The following GRHL3 variants were observed in gnomAD, a reference collection of about 807,000 sequenced individuals.
The protein encoded by GRHL3 is grainyhead-like protein 3 homolog.
A neutral mutation model predicts 70.3 loss-of-function variants in GRHL3; 20 were observed. The ratio of observed to expected loss-of-function variants is 0.28; its 90% CI spans 0.20 to 0.41. The LOEUF is 0.41. GRHL3 is among the 10% of genes least tolerant of loss of function. The pLI is 1.00. For missense variants in GRHL3, 637 were observed against 762.3 expected (o/e 0.84, Z 1.94); for synonymous variants, 299 against 299.9 (o/e 1.00, Z 0.03).
intron 1 of GRHL3, among the ~76,000 whole-genome samples, chr1:24,323,938 G>C (rs1639299425): frequency 6.6e-6 from 1 of 152,246 alleles, no homozygotes; most frequent in Non-Finnish European, 1.5e-5. Context: ...AAAGGGGACA[G>C]AACAGTGTAG....
At chr1:24,344,863 T>C (rs1454128427) in intron 11 of GRHL3, 34 bp from the exon 12 acceptor site, 2 of 1,613,362 alleles carry the variant, frequency 1.2e-6, no homozygotes, top group East Asian at 2.2e-5. Flanking sequence ...TTTTCCTGCG[T>C]GTGATGGAAA....
At position 24,319,960 on chromosome 1, in the gene GRHL3, T is replaced by G. The variant is rs566275359; in HGVS notation, c.17+392T>G. 50 of 291,750 alleles carry G rather than the reference T, an allele frequency of 1.7e-4. No homozygotes were observed. In the South Asian group the frequency reaches 1.9e-3, roughly 11 times the overall value. The allele number at this position is 291,750 out of a possible 1,614,324, so 18.1% of individuals were successfully genotyped here. On this transcript the variant is annotated intron_variant, in intron 1 of 15. Coordinates refer to ENST00000361548, the MANE Select transcript of GRHL3 (RefSeq NM_198173.3). ...CTTTAAGGTAGTTCTAAGAGCTGTC[T>G]TAGGCAGAGAGTTGGGTTTCTCTAA...
chr1:24,354,698 C>A lies in GRHL3; in HGVS notation c.*210C>A. On this transcript the variant is annotated 3_prime_UTR_variant, in exon 16 of 16. Coordinates refer to ENST00000361548, the MANE Select transcript of GRHL3 (RefSeq NM_198173.3). ...CTGGATCCCCATGGTATGCTTGAAT[C>A]TGCTCCCTGAACTTCCTGCCAGTGC... 1 of 495,358 alleles carries A rather than the reference C, an allele frequency of 2.0e-6. No homozygotes were observed. Among genetic ancestry groups the A allele is most frequent in the Non-Finnish European group, 3.6e-6 (1 of 274,026 alleles). 30.7% of individuals were successfully genotyped at this position (495,358 alleles called of 1,614,324 possible).
chr1:24,347,819 C>T (rs1341352387), intron 14 of GRHL3, among the ~76,000 whole-genome samples: 1 of 152,206 alleles, frequency 6.6e-6, no homozygotes, highest in Non-Finnish European at 1.5e-5. Context: ...GTCTGACAGG[C>T]CAGGGTTTTT....
rs1639215645 is a variant in GRHL3 at position 24,322,162 on chromosome 1, C to T, written c.17+2594C>T. Among the ~76,000 whole-genome samples the T allele has an allele frequency of 6.6e-6, 1 of 152,138 alleles. No homozygotes were observed. The highest frequency in any genetic ancestry group is 2.1e-4 in the South Asian group (1 of 4,822). On this transcript the variant is annotated intron_variant, in intron 1 of 15. Transcript: ENST00000361548. This position sits in a 1 kb window ranked among gnomAD's most constrained non-coding sequence, Gnocchi z 4.4. ...AAGGGAGAGTTTCGCCGCAAAGGGG[C>T]TTGGCACACAGTAGGTCTAAGGCAC...
intron 8 of GRHL3, among the ~76,000 whole-genome samples, chr1:24,340,848 G>C (rs1185517015): frequency 6.6e-6 from 1 of 152,122 alleles, no homozygotes; most frequent in Non-Finnish European, 1.5e-5. Context: ...TTCAGGGAGT[G>C]GGGAGTTTCG....
rs1639224489 is a variant in GRHL3, at chr1:24,322,309, C to T, written c.17+2741C>T. 1.3e-5 allele frequency among the ~76,000 whole-genome samples: 2 copies of T among 152,150 alleles called. No homozygotes were observed. The highest frequency in any genetic ancestry group is 4.8e-5 in the African/African-American group (2 of 41,444). On this transcript the variant is annotated intron_variant, in intron 1 of 15. Transcript: ENST00000361548. This position sits in a 1 kb window ranked among gnomAD's most constrained non-coding sequence, Gnocchi z 4.4. ...GTTGGGGGAAGGGGACTAGAACCGTCGCAGTCCTGACCGCGGCCGCCGCCG... is the reference window on the plus strand; with the variant it reads ...GTTGGGGGAAGGGGACTAGAACCGTTGCAGTCCTGACCGCGGCCGCCGCCG...
intron 8 of GRHL3, among the ~76,000 whole-genome samples, chr1:24,340,305 C>G (rs1243161166): frequency 6.6e-6 from 1 of 152,208 alleles, no homozygotes; most frequent in Non-Finnish European, 1.5e-5. Flanking sequence ...TATCTCACTT[C>G]TCTGAGCCTG....
chr1:24,346,478 G>T (rs1640288665), intron 12 of GRHL3, 75 bp from the exon 13 acceptor site: 2 of 945,492 alleles, frequency 2.1e-6, no homozygotes, highest in Admixed American at 3.7e-5. Context: ...TAGGGCCCCT[G>T]GAGGCCCAGC....
At chr1:24,347,604 T>C in intron 14 of GRHL3, 51 bp downstream of exon 14, 3 of 1,361,272 alleles carry the variant, frequency 2.2e-6, no homozygotes, top group Non-Finnish European at 3.2e-6. Context: ...TCTAGGCTCC[T>C]GTCCCCACTC....
chr1:24,336,954 T>C (rs1285469866), intron 4 of GRHL3, 124 bp from the exon 5 acceptor site: 7 of 1,204,126 alleles, frequency 5.8e-6, no homozygotes, highest in Non-Finnish European at 7.2e-6. Flanking sequence ...GAGACGGGAT[T>C]GCCATGTACT....
chr1:24,350,539 C>A (rs973261278), intron 15 of GRHL3, among the ~76,000 whole-genome samples: 43 of 152,292 alleles, frequency 2.8e-4, no homozygotes, highest in Non-Finnish European at 1.5e-5. Flanking sequence ...GAGGTAAATA[C>A]CATAGTCCTC....
At position 24,322,331 on chromosome 1, in the gene GRHL3, G is replaced by A. The variant is rs578172017; in HGVS notation, c.17+2763G>A. On this transcript the variant is annotated intron_variant, in intron 1 of 15. Transcript: ENST00000361548. The surrounding 1 kb of genome is among the most constrained non-coding windows in gnomAD (Gnocchi z 4.4). ...CGTCGCAGTCCTGACCGCGGCCGCC[G>A]CCGCCGTTCTATCTGATCTCCAGGA... 6.6e-6 allele frequency among the ~76,000 whole-genome samples: 1 copy of A among 152,262 alleles called. No homozygotes were observed. The highest frequency in any genetic ancestry group is 2.1e-4 in the South Asian group (1 of 4,822).
chr1:24,359,121 C>T (rs931558234), downstream of GRHL3, among the ~76,000 whole-genome samples: 2 of 152,208 alleles, frequency 1.3e-5, no homozygotes, highest in Admixed American at 6.5e-5. The surrounding 1 kb of genome is among the most constrained non-coding windows in gnomAD (Gnocchi z 5.3). Context: ...TGTTCCTATA[C>T]TTGGAAAGCC....
intron 7 of GRHL3, among the ~76,000 whole-genome samples, chr1:24,338,727 T>C (rs1396451700): frequency 6.6e-6 from 1 of 152,232 alleles, no homozygotes; most frequent in Non-Finnish European, 1.5e-5. Context: ...CACACGGGAC[T>C]GTTTAATGAC....
intron 15 of GRHL3, among the ~76,000 whole-genome samples, chr1:24,350,644 A>G (rs1310240757): frequency 6.6e-6 from 1 of 152,182 alleles, no homozygotes; most frequent in Non-Finnish European, 1.5e-5. Flanking sequence ...AGGCCCAACA[A>G]AGTTGTTACT....
At position 24,322,284 on chromosome 1, in the gene GRHL3, G is replaced by T. The variant is rs1639223371; in HGVS notation, c.17+2716G>T. On this transcript the variant is annotated intron_variant, in intron 1 of 15. Transcript: ENST00000361548. The surrounding 1 kb of genome is among the most constrained non-coding windows in gnomAD (Gnocchi z 4.4). ...CTCAGCCTCGCAGAGACGCGACTCGGTTGGGGGAAGGGGACTAGAACCGTC... is the reference window on the plus strand; with the variant it reads ...CTCAGCCTCGCAGAGACGCGACTCGTTTGGGGGAAGGGGACTAGAACCGTC... 2.0e-5 allele frequency among the ~76,000 whole-genome samples: 3 copies of T among 152,304 alleles called. No homozygotes were observed. Among genetic ancestry groups the T allele is most frequent in the Non-Finnish European group, 2.9e-5 (2 of 68,014 alleles).
chr1:24,345,509 A>C (rs1422405749), intron 12 of GRHL3, among the ~76,000 whole-genome samples: 1 of 151,886 alleles, frequency 6.6e-6, no homozygotes. Context: ...TTTTATGTGA[A>C]AAGTCGGCGA....
At chr1:24,320,744 T>C (rs1187561879) in intron 1 of GRHL3, among the ~76,000 whole-genome samples, 1 of 152,212 alleles carries the variant, frequency 6.6e-6, no homozygotes, top group Non-Finnish European at 1.5e-5. Context: ...CACATTTCTT[T>C]TGAATGAATT....
Sources: gnomAD v4.1 joint callset for allele counts (sites outside exome capture counted in the v4.1 genomes callset) on GRCh38, gnomAD v4.1.1 for gene constraint, Gnocchi (gnomAD v3.1) non-coding constraint, MANE v1.5 for transcripts, NCBI Gene and HGNC (gene_info 2026-07-23, HGNC 2026-07-21) for gene names.